BCAT1: variants seen among roughly 807,000 people sequenced by gnomAD.
The protein encoded by BCAT1 is branched-chain-amino-acid aminotransferase, cytosolic.
BCAT1 carries 48 observed loss-of-function variants against 52.4 expected under a neutral mutation model. That is an observed-to-expected ratio of 0.92 (90% CI 0.73 to 1.16). The LOEUF is 1.16. BCAT1 is among the 50% of genes most tolerant of loss of function. BCAT1 has a pLI of 0.00. For synonymous variants in BCAT1, 167 were observed against 161.3 expected, an observed-to-expected ratio of 1.04 and a Z score of -0.27; for missense variants, 451 against 457.1, an observed-to-expected ratio of 0.99 and a Z score of 0.12.
intron 1 of BCAT1, among the ~76,000 whole-genome samples, chr12:24,921,535 A>C (rs986355724): frequency 6.6e-6 from 1 of 152,236 alleles, no homozygotes; most frequent in African/African-American, 2.4e-5. Flanking sequence ...ATGATGACAT[A>C]CATTTTTCCC....
In BCAT1 at chr12:24,851,939, G is replaced by A. The variant is rs563307943; in HGVS notation, c.511-1990C>T. Among the ~76,000 whole-genome samples, 5 of 152,212 alleles carry A rather than the reference G, an allele frequency of 3.3e-5. No individual in the cohort carries two copies. In the South Asian group the frequency reaches 8.3e-4, roughly 25 times the overall value. On this transcript the variant is annotated intron_variant, in intron 5 of 10. Transcript: ENST00000261192. ...ATTTTTTTAACAAATCCTATGATAC[G>A]GTTTGGATTTGTGTCCCTGCCCATA...
intron 1 of BCAT1, among the ~76,000 whole-genome samples, chr12:24,941,657 C>CT (rs1943850823): frequency 6.6e-6 from 1 of 152,170 alleles, no homozygotes; most frequent in Non-Finnish European, 1.5e-5. Context: ...TGATCAATAT[C>CT]TTTTTGGGGC....
chr12:24,816,319 A>G lies in BCAT1; in HGVS notation c.*1689T>C. On this transcript the variant is annotated 3_prime_UTR_variant, in exon 11 of 11. Transcript: ENST00000261192. The stretch of plus-strand genomic sequence containing the variant: ...TCTGAAAAGAGAATAAAATATGTTC[A>G]GCAAGAAGGAAGTTATGAGGACTGA... 1 of 393,064 alleles carries G rather than the reference A, an allele frequency of 2.5e-6. No individual in the cohort carries two copies. 24.3% of individuals were successfully genotyped at this position (393,064 alleles called of 1,614,324 possible).
intron 3 of BCAT1, among the ~76,000 whole-genome samples, chr12:24,883,540 G>A (rs989790345): frequency 1.3e-5 from 2 of 152,144 alleles, no homozygotes; most frequent in South Asian, 4.1e-4. Context: ...ATTGGAAGCT[G>A]CAGTGAGCTA....
At chr12:24,909,996 G>A (rs1943290637) in intron 1 of BCAT1, among the ~76,000 whole-genome samples, 1 of 152,124 alleles carries the variant, frequency 6.6e-6, no homozygotes, top group Non-Finnish European at 1.5e-5. Flanking sequence ...CCTCATGACT[G>A]ATTAAAAACA....
chr12:24,851,068 G>A (rs1941495468), intron 5 of BCAT1, among the ~76,000 whole-genome samples: 1 of 152,090 alleles, frequency 6.6e-6, no homozygotes, highest in African/African-American at 2.4e-5. Flanking sequence ...GTTTATTAAG[G>A]AAGAAAACTG....
At chr12:24,844,894 C>CAAAAAAAAAA (rs11318750) in intron 6 of BCAT1, among the ~76,000 whole-genome samples, 491 of 35,978 alleles carry the variant, frequency 0.014, 10 homozygotes, top group Non-Finnish European at 0.016. Context: ...GAGACTGTCT[C>CAAAAAAAAAA]AAAAAAAAAA....
At chr12:24,854,589 G>A (rs1484057534) in intron 5 of BCAT1, among the ~76,000 whole-genome samples, 2 of 152,136 alleles carry the variant, frequency 1.3e-5, no homozygotes, top group South Asian at 2.1e-4. Context: ...TTCATACTGT[G>A]TTTATATAGG....
At chr12:24,912,377 G>A (rs956744262) in intron 1 of BCAT1, among the ~76,000 whole-genome samples, 13 of 152,028 alleles carry the variant, frequency 8.6e-5, no homozygotes, top group African/African-American at 2.2e-4. Flanking sequence ...AAAATTAGCC[G>A]GGCGTAGTGG....
At chr12:24,854,823 G>A (rs141840595) in intron 5 of BCAT1, among the ~76,000 whole-genome samples, 2 of 152,104 alleles carry the variant, frequency 1.3e-5, no homozygotes, top group African/African-American at 4.8e-5. Context: ...TTAATCCAGA[G>A]TTATTTCATA....
chr12:24,865,961 C>T (rs906887026), intron 5 of BCAT1, among the ~76,000 whole-genome samples: 39 of 152,244 alleles, frequency 2.6e-4, no homozygotes, highest in Non-Finnish European at 7.3e-5. Flanking sequence ...TCGGCCTCGG[C>T]GCCCATTCTG....
Position 24,878,533 on chromosome 12 carries a change from A to C in BCAT1, c.507T>G (p.Thr169=). ...AAAATAAAGAGTCAGTTTGCACCTC[A>C]GTTCCAATGAATGTAGGACGAATAT... The part of the protein sequence containing the change: ...SLYIRPTFIG[T]EPSLGVKKPT... The change falls in exon 5 of 11, where the codon ACT becomes ACG. Residue 169 remains threonine, a synonymous_variant. Transcript: ENST00000261192. 1 of 1,606,140 alleles carries C rather than the reference A, an allele frequency of 6.2e-7. No individual in the cohort carries two copies. Among genetic ancestry groups the C allele is most frequent in the Non-Finnish European group, 8.5e-7 (1 of 1,177,506 alleles).
chr12:24,861,604 A>C (rs1309838552), intron 5 of BCAT1, among the ~76,000 whole-genome samples: 3 of 152,212 alleles, frequency 2.0e-5, no homozygotes, highest in Admixed American at 2.0e-4. Context: ...CAGCCAGAAG[A>C]AGCTACAGAA....
rs182365112 is a variant in BCAT1 at position 24,834,306 on chromosome 12, T to C, written c.904-1443A>G. 1.2e-4 allele frequency: 121 copies of C among 985,378 alleles called. No homozygotes were observed. In the African/African-American group the frequency reaches 1.9e-3, roughly 15 times the overall value. The allele number at this position is 985,378 out of a possible 1,614,324, so 61.0% of individuals were successfully genotyped here. ...CAATTCTCTTCCTTCTCTTTCAGTA[T>C]CACATTCAGTTGATTTTCATCATGG... On this transcript the variant is annotated intron_variant, in intron 8 of 10. Transcript: ENST00000261192.
At chr12:24,861,330 A>T (rs1239789675) in intron 5 of BCAT1, among the ~76,000 whole-genome samples, 1 of 152,242 alleles carries the variant, frequency 6.6e-6, no homozygotes, top group Non-Finnish European at 1.5e-5. Context: ...TGCCTAGTTC[A>T]TGGAAAGGCT....
intron 4 of BCAT1, 128 bp downstream of exon 4, chr12:24,881,173 A>G: frequency 1.4e-6 from 1 of 690,468 alleles, no homozygotes; most frequent in Admixed American, 3.2e-5. Context: ...TAGATCAGAA[A>G]TAATGTTAAT....
intron 7 of BCAT1, among the ~76,000 whole-genome samples, chr12:24,839,198 A>G (rs1391546191): frequency 6.6e-6 from 1 of 152,224 alleles, no homozygotes; most frequent in Non-Finnish European, 1.5e-5. Flanking sequence ...GAAATGGGAA[A>G]TGGAGTTTAT....
Position 24,832,761 on chromosome 12 carries a change from C to T in BCAT1, c.1006G>A (p.Val336Ile), listed in dbSNP as rs1337574630. 12 of 1,611,182 alleles carry T rather than the reference C, an allele frequency of 7.4e-6. No individual in the cohort carries two copies. Among genetic ancestry groups the T allele is most frequent in the Non-Finnish European group, 9.3e-6 (11 of 1,178,634 alleles). ...AGTATATCAGAAACTGGGCAAACAA[C>T]ACAGGCTGTACCAGAGCCAAACATC... ...REMFGSGTACVVCPVSDILYK... is the reference protein window; with the variant it reads ...REMFGSGTACIVCPVSDILYK... Residue 336 changes from valine to isoleucine, a missense_variant, in exon 9 of 11, where the codon GTT becomes ATT. Coordinates refer to ENST00000261192, the MANE Select transcript of BCAT1 (RefSeq NM_005504.7).
At chr12:24,838,439 A>T (rs771679565) in intron 7 of BCAT1, among the ~76,000 whole-genome samples, 16 of 152,052 alleles carry the variant, frequency 1.1e-4, no homozygotes, top group Admixed American at 3.3e-4. Context: ...TGATCTCAAA[A>T]TAAACATGTG....
Sources: allele counts gnomAD v4.1 joint callset (sites outside exome capture counted in the v4.1 genomes callset), GRCh38; gene constraint gnomAD v4.1.1; transcripts MANE v1.5; gene names NCBI Gene and HGNC (gene_info 2026-07-23, HGNC 2026-07-21).